Variants in BBS2 observed in about 807,000 individuals in gnomAD.
BBS2 encodes the protein Bardet-Biedl syndrome 2.
In BBS2, 62 loss-of-function variants were observed where a neutral mutation model predicts 83.0. The observed-to-expected ratio is 0.75, with a 90% CI of 0.61 to 0.92. BBS2 has a LOEUF of 0.92. BBS2 is among the 40% of genes least tolerant of loss of function. The probability of loss-of-function intolerance (pLI) is 0.00; values close to 1 mark genes in which losing one functional copy is unlikely to be tolerated. For synonymous variants in BBS2, 303 were observed against 326.1 expected (o/e 0.93, Z 0.76); for missense variants, 784 against 901.0 (o/e 0.87, Z 1.66).
chr16:56,488,531 T>C (rs79055907), intron 15 of BBS2, among the ~76,000 whole-genome samples: 4,771 of 152,094 alleles, frequency 0.031, 85 homozygotes, highest in Non-Finnish European at 0.049. Context: ...AACGAAGTAT[T>C]AGGGAAGGCG....
Position 56,499,889 on chromosome 16 carries a change from A to G in BBS2, c.1416T>C (p.Phe472=), listed in dbSNP as rs971361314. The G allele has an allele frequency of 1.9e-6, 3 of 1,614,146 alleles. No homozygotes were observed. Among genetic ancestry groups the G allele is most frequent in the South Asian group, 2.2e-5 (2 of 91,080 alleles). ...GYRSSTQFHV[F]ESTRQLPRFS... ...ATCGAGGGAGCTGTCTTGTCGATTC[A>G]AATACATGAAACTGGGTGCTATGGC... Residue 472 remains phenylalanine (F), a synonymous_variant, in exon 12 of 17, where the codon TTT becomes TTC. Coordinates refer to ENST00000245157, the MANE Select transcript of BBS2 (RefSeq NM_031885.5).
Position 56,519,954 on chromosome 16 carries a change from T to C in BBS2, c.-92A>G, listed in dbSNP as rs1479152818. On this transcript the variant is annotated 5_prime_UTR_variant, in exon 1 of 17. Transcript: ENST00000245157. ...GCCCGGGCAAGAAGTGCAGGGACAC[T>C]ACCTGCGCGGCCCCAGCCGCCTCAG... The C allele has an allele frequency of 8.9e-7, 1 of 1,124,258 alleles. No individual in the cohort carries two copies. Among genetic ancestry groups the C allele is most frequent in the Non-Finnish European group, 1.3e-6 (1 of 751,650 alleles). The allele number at this position is 1,124,258 out of a possible 1,614,324, so 69.6% of individuals were successfully genotyped here.
chr16:56,506,232 A>C lies in BBS2; in HGVS notation c.613-8T>G. Reference sequence around the variant, plus strand: ...ACAAAGAGAGGTGACTATCTGCAAAACAATCCACAAAAACACAACATCTTT... The same window carrying C: ...ACAAAGAGAGGTGACTATCTGCAAACCAATCCACAAAAACACAACATCTTT... On this transcript the variant is annotated splice_region_variant and splice_polypyrimidine_tract_variant and intron_variant, in intron 5 of 16. Transcript: ENST00000245157. 6.2e-7 allele frequency: 1 copy of C among 1,604,234 alleles called. No individual in the cohort carries two copies. The highest frequency in any genetic ancestry group is 8.5e-7 in the Non-Finnish European group (1 of 1,171,372).
rs372085811 is a variant in BBS2, at chr16:56,510,842, T to A, written c.534+17A>T. 9.3e-6 allele frequency: 15 copies of A among 1,613,332 alleles called. No homozygotes were observed. In the African/African-American group the frequency reaches 1.7e-4, roughly 19 times the overall value. ...TTTGGCTGAACACACAAGAGAGATA[T>A]CTCCTCCCCCACATACCTCTTTCTT... On this transcript the variant is annotated intron_variant, in intron 4 of 16. Transcript: ENST00000245157.
intron 1 of BBS2, among the ~76,000 whole-genome samples, chr16:56,516,671 G>A (rs948507691): frequency 6.6e-6 from 1 of 152,132 alleles, no homozygotes; most frequent in Non-Finnish European, 1.5e-5. Context: ...GGGATTGCAG[G>A]TGTTGAGCCA....
At position 56,514,565 on chromosome 16, in the gene BBS2, A is replaced by T. The variant is rs1310869146; in HGVS notation, c.233T>A (p.Leu78Gln). 6.2e-7 allele frequency: 1 copy of T among 1,614,044 alleles called. No individual in the cohort carries two copies. Among genetic ancestry groups the T allele is most frequent in the Non-Finnish European group, 8.5e-7 (1 of 1,179,962 alleles). The change falls in exon 2 of 17, where the codon CTG becomes CAG. Residue 78 changes from leucine to glutamine, a missense_variant. Leu to Gln is a moderately radical substitution (Grantham distance 113). Coordinates refer to ENST00000245157, the MANE Select transcript of BBS2 (RefSeq NM_031885.5). ...CTCAGGGTTCAATACGCCTGCAGTC[A>T]GACAGCTGACTGCCTGGTTAATGCT... ...LLSINQAVSC[L>Q]TAGVLNPELG...
chr16:56,489,566 G>A (rs1293079687), intron 15 of BBS2, among the ~76,000 whole-genome samples: 1 of 152,052 alleles, frequency 6.6e-6, no homozygotes, highest in Non-Finnish European at 1.5e-5. Context: ...GGAGGCCGAG[G>A]TTGGTGGATC....
intron 17 of BBS2, among the ~76,000 whole-genome samples, chr16:56,473,036 T>C (rs1237610762): frequency 3.3e-5 from 5 of 152,198 alleles, no homozygotes; most frequent in Non-Finnish European, 7.4e-5. Context: ...GTTCAAGCGA[T>C]TCTCCTGCCT....
At chr16:56,513,663 T>C (rs560158250) in intron 2 of BBS2, among the ~76,000 whole-genome samples, 7 of 152,270 alleles carry the variant, frequency 4.6e-5, no homozygotes, top group African/African-American at 1.7e-4. Context: ...AGACAGAAAG[T>C]AGATAACTGG....
At chr16:56,517,358 C>T (rs1171276635) in intron 1 of BBS2, among the ~76,000 whole-genome samples, 4 of 152,228 alleles carry the variant, frequency 2.6e-5, no homozygotes, top group African/African-American at 7.2e-5. Flanking sequence ...CCAGCCCCAG[C>T]GGCTTCCTTG....
intron 17 of BBS2, among the ~76,000 whole-genome samples, chr16:56,472,796 C>G (rs1018993471): frequency 1.3e-5 from 2 of 152,026 alleles, no homozygotes; most frequent in Admixed American, 6.6e-5. Flanking sequence ...ATATATTGTT[C>G]TGTATTTTTT....
At chr16:56,485,786 AG>A (rs1963761221) in intron 15 of BBS2, 48 bp from the exon 16 acceptor site, 2 of 1,596,552 alleles carry the variant, frequency 1.3e-6, no homozygotes, top group East Asian at 4.5e-5. Context: ...TGATATGGCA[AG>A]CTTAAGAAAA....
chr16:56,490,648 A>G (rs1443168695), intron 15 of BBS2, among the ~76,000 whole-genome samples: 7 of 152,106 alleles, frequency 4.6e-5, no homozygotes, highest in Non-Finnish European at 8.8e-5. Context: ...CTCAAAAATA[A>G]ATAAATAAAG....
In BBS2 at chr16:56,509,948, G is replaced by C; in HGVS notation, c.612+9C>G. The C allele has an allele frequency of 1.2e-6, 2 of 1,613,706 alleles. No individual in the cohort carries two copies. The highest frequency in any genetic ancestry group is 1.7e-6 in the Non-Finnish European group (2 of 1,179,700). ...CAAGGTTACCATAGTTCGAGGTGGA[G>C]CTTCTTACCTCTGTTTCTGTCATTT... On this transcript the variant is annotated intron_variant, in intron 5 of 16. Coordinates refer to ENST00000245157, the MANE Select transcript of BBS2 (RefSeq NM_031885.5).
rs1454752754 is a variant in BBS2 at position 56,519,803 on chromosome 16, G to A, written c.60C>T (p.Ala20=). The change falls in exon 1 of 17, where the codon GCC becomes GCT. Residue 20 remains alanine, a synonymous_variant. Coordinates refer to ENST00000245157, the MANE Select transcript of BBS2 (RefSeq NM_031885.5). ...GGTGAGTCCCGTCGTAGCGCCCTAT[G>A]GCCACCATTCGGGGGCTGATTTTGT... is the stretch of plus-strand genomic sequence containing the variant. ...LRHKISPRMV[A]IGRYDGTHPC... 1.2e-6 allele frequency: 2 copies of A among 1,613,720 alleles called. No homozygotes were observed. The highest frequency in any genetic ancestry group is 4.5e-5 in the East Asian group (2 of 44,880).
chr16:56,480,745 C>T (rs949286400), downstream of BBS2, among the ~76,000 whole-genome samples: 3 of 152,164 alleles, frequency 2.0e-5, no homozygotes, highest in African/African-American at 7.2e-5. Flanking sequence ...AATGAGGAAG[C>T]ACAAACCCTG....
chr16:56,491,360 G>C (rs139914383), intron 15 of BBS2, among the ~76,000 whole-genome samples: 32 of 152,262 alleles, frequency 2.1e-4, no homozygotes, highest in Non-Finnish European at 4.6e-4. Context: ...GTTATCAAAA[G>C]AGCAGGTTGT....
At chr16:56,508,684 GC>G (rs5817064) in intron 5 of BBS2, among the ~76,000 whole-genome samples, 152,219 of 152,226 alleles carry the variant, frequency 1, 76,106 homozygotes, top group Middle Eastern at 1. Context: ...TGTTCTCGTT[GC>G]CCCTGGGTGG....
At position 56,485,690 on chromosome 16, in the gene BBS2, GTC is replaced by G; in HGVS notation, c.1957_1958del (p.Asp653LeufsTer6). ...AGCGAATTTTATATCCATTTAGCAA[GTC>G]TCTATTAAGGTCATAGAGTTCCATA... ...RYMELYDLNRDLLNGYKIRCN... is the reference protein window; with the variant it reads ...RYMELYDLNRXLLNGYKIRCN... On this transcript the variant is annotated frameshift_variant, in exon 16 of 17. Transcript: ENST00000245157. LOFTEE classifies it high-confidence loss of function. The G allele has an allele frequency of 6.2e-7, 1 of 1,613,650 alleles. No homozygotes were observed. Among genetic ancestry groups the G allele is most frequent in the Non-Finnish European group, 8.5e-7 (1 of 1,179,646 alleles).
Sources: gnomAD v4.1 joint callset for allele counts (sites outside exome capture counted in the v4.1 genomes callset) on GRCh38, gnomAD v4.1.1 for gene constraint, MANE v1.5 for transcripts, NCBI Gene and HGNC (gene_info 2026-07-23, HGNC 2026-07-21) for gene names.